Variants in RAD54L2 observed in about 807,000 individuals in gnomAD.
RAD54L2 encodes the protein RAD54 like 2, also known as helicase ARIP4.
A neutral mutation model predicts 138.4 loss-of-function variants in RAD54L2; 27 were observed. The observed-to-expected ratio is 0.20, with a 90% CI of 0.14 to 0.27. The LOEUF is 0.27. RAD54L2 is among the 10% of genes least tolerant of loss of function. The pLI, the probability that RAD54L2 is intolerant of heterozygous loss-of-function variation, is 1.00. For synonymous variants in RAD54L2, 644 were observed against 723.2 expected (o/e 0.89, Z 1.76); for missense variants, 1,396 against 1,890.2 (o/e 0.74, Z 4.85).
Position 51,639,470 on chromosome 3 carries a change from G to T in RAD54L2, c.1912G>T (p.Ala638Ser). 6.2e-7 allele frequency: 1 copy of T among 1,613,964 alleles called. No individual in the cohort carries two copies. Among genetic ancestry groups the T allele is most frequent in the African/African-American group, 1.3e-5 (1 of 75,034 alleles). ...LYEALQKESL[A>S]NEQDLDVEEL... is the part of the protein sequence containing the mutation. ...TGAAGCCCTTCAGAAGGAGAGCTTGGCCAATGAGCAGGACCTAGACGTGGA... is the reference window on the plus strand; with the variant it reads ...TGAAGCCCTTCAGAAGGAGAGCTTGTCCAATGAGCAGGACCTAGACGTGGA... The change falls in exon 13 of 23, where the codon GCC becomes TCC. Residue 638 changes from alanine to serine, a missense_variant. By Grantham distance (99) the Ala-to-Ser change is moderately conservative. Around this residue, in one of 7 missense-constraint regions of RAD54L2, gnomAD observed 211 missense variants for 273.8 expected, o/e 0.77. Transcript: ENST00000684192.
At chr3:51,552,648 T>G (rs1382382262) in intron 2 of RAD54L2, among the ~76,000 whole-genome samples, 1 of 146,440 alleles carries the variant, frequency 6.8e-6, no homozygotes, top group Non-Finnish European at 1.5e-5. Context: ...CATAGCTCAC[T>G]GCAACCTCTG....
chr3:51,608,662 C>CA (rs1334493992), intron 3 of RAD54L2, among the ~76,000 whole-genome samples: 14 of 152,268 alleles, frequency 9.2e-5, no homozygotes, highest in African/African-American at 3.4e-4. Flanking sequence ...CCGTCTCCAC[C>CA]AAAAAATACG....
intron 19 of RAD54L2, among the ~76,000 whole-genome samples, chr3:51,651,978 G>T (rs893701231): frequency 2.0e-5 from 3 of 152,190 alleles, no homozygotes; most frequent in African/African-American, 4.8e-5. Flanking sequence ...ATTCAATTAG[G>T]AAAAGAGGAA....
In RAD54L2 at chr3:51,638,169, C is replaced by G; in HGVS notation, c.1708C>G (p.His570Asp). 1 of 1,613,848 alleles carries G rather than the reference C, an allele frequency of 6.2e-7. No homozygotes were observed. The highest frequency in any genetic ancestry group is 8.5e-7 in the Non-Finnish European group (1 of 1,179,828). ...GAGAGGCCACACTGTGCTGAAGATT[C>G]ATCTCCCTGCCAAGGAAGAAAATGT... ...QRRGHTVLKI[H>D]LPAKEENVIL... The change falls in exon 12 of 23, where the codon CAT becomes GAT. Residue 570 changes from histidine (H) to aspartate (D), a missense_variant. This residue lies in a region of RAD54L2 where 211 missense variants were observed against 273.8 expected (regional missense o/e 0.77). Coordinates refer to ENST00000684192, the MANE Select transcript of RAD54L2 (RefSeq NM_015106.4). This position sits in a 1 kb window ranked among gnomAD's most constrained non-coding sequence, Gnocchi z 4.3.
rs998222780 is a variant in RAD54L2, at chr3:51,629,525, C to G, written c.481+52C>G. 2.5e-6 allele frequency: 4 copies of G among 1,594,848 alleles called. No homozygotes were observed. In the Admixed American group the frequency reaches 7.0e-5, roughly 28 times the overall value. ...CCCTTTGCTTCAGGAGGAAGAAGCC[C>G]TAGGTGCACACAGTGGTCAAAAGCA... On this transcript the variant is annotated intron_variant, in intron 5 of 22. Coordinates refer to ENST00000684192, the MANE Select transcript of RAD54L2 (RefSeq NM_015106.4).
At chr3:51,553,342 C>T (rs1208016571) in intron 2 of RAD54L2, among the ~76,000 whole-genome samples, 1 of 152,114 alleles carries the variant, frequency 6.6e-6, no homozygotes, top group Non-Finnish European at 1.5e-5. Flanking sequence ...TCCCAAAGTG[C>T]TGGGATTACA....
chr3:51,638,026 G>A lies in RAD54L2; in HGVS notation c.1683-118G>A. ...CTCTGCATTATTGCAAGGCTGCAGT[G>A]CATGTTGAGATCCTCAAGAGGGAGG... is the stretch of plus-strand genomic sequence containing the variant. On this transcript the variant is annotated intron_variant, in intron 11 of 22. Transcript: ENST00000684192. This position sits in a 1 kb window ranked among gnomAD's most constrained non-coding sequence, Gnocchi z 4.3. 1 of 915,468 alleles carries A rather than the reference G, an allele frequency of 1.1e-6. No homozygotes were observed. The highest frequency in any genetic ancestry group is 1.7e-5 in the African/African-American group (1 of 60,234). The allele number at this position is 915,468 out of a possible 1,614,324, so 56.7% of individuals were successfully genotyped here.
At chr3:51,594,858 C>T (rs1197543914) in intron 3 of RAD54L2, among the ~76,000 whole-genome samples, 3 of 92,680 alleles carry the variant, frequency 3.2e-5, no homozygotes, top group African/African-American at 1.2e-4. Context: ...AATTGATGGG[C>T]GCTTTTTTTT....
chr3:51,547,375 CAA>C (rs35028217), intron 2 of RAD54L2, among the ~76,000 whole-genome samples: 6 of 126,294 alleles, frequency 4.8e-5, no homozygotes, highest in Admixed American at 8.1e-5. Context: ...GACTCTGCCT[CAA>C]AAAAAAAAAA....
intron 2 of RAD54L2, among the ~76,000 whole-genome samples, chr3:51,587,453 G>A (rs2106702627): frequency 6.6e-6 from 1 of 152,232 alleles, no homozygotes; most frequent in East Asian, 1.9e-4. Context: ...TAAGTGAATG[G>A]TAGCTCAGCA....
chr3:51,641,517 A>G (rs111860912), intron 14 of RAD54L2, among the ~76,000 whole-genome samples: 3,256 of 151,474 alleles, frequency 0.021, 120 homozygotes, highest in African/African-American at 0.074. Flanking sequence ...GGGTTTTGCC[A>G]TGTTGGCTAG....
At position 51,630,671 on chromosome 3, in the gene RAD54L2, G is replaced by A. The variant is rs757610496; in HGVS notation, c.599-34G>A. The A allele has an allele frequency of 4.7e-5, 73 of 1,556,048 alleles. 2 individuals are homozygous for A. The South Asian group carries it at 8.1e-4, about 17-fold the overall frequency. On this transcript the variant is annotated intron_variant, in intron 6 of 22. Transcript: ENST00000684192. ...GTGCAGTAAATTATCTTCACTCCCT[G>A]GATTTTTGGTTTTGCTTTTTTTTGC...
intron 2 of RAD54L2, among the ~76,000 whole-genome samples, chr3:51,543,742 C>T (rs1698617055): frequency 6.6e-6 from 1 of 151,956 alleles, no homozygotes; most frequent in Non-Finnish European, 1.5e-5. Context: ...TCTAGTTTTT[C>T]CTCTGCCACA....
chr3:51,611,438 T>A (rs558695676), intron 3 of RAD54L2: 1 of 152,212 alleles, frequency 6.6e-6, no homozygotes, highest in Non-Finnish European at 1.5e-5. Context: ...CTTTTAGTTA[T>A]AAAAGCTGTG....
chr3:51,639,148 T>C, intron 12 of RAD54L2: 1 of 469,736 alleles, frequency 2.1e-6, no homozygotes, highest in South Asian at 2.9e-5. Flanking sequence ...TCAAAAAGGC[T>C]TGTGACAGCT....
rs1701595641 is a variant in RAD54L2 at position 51,656,166 on chromosome 3, G to A, written c.3222G>A (p.Thr1074=). 4 of 1,605,250 alleles carry A rather than the reference G, an allele frequency of 2.5e-6. No homozygotes were observed. The South Asian group carries it at 3.3e-5, about 13-fold the overall frequency. The part of the protein sequence containing the change: ...AGVLVQKVVT[T]TDIVIPGLNS... ...TCCTTGTGCAGAAGGTGGTCACCACGACAGGTGGGAACTCCTGGGCTCTGT... is the reference window on the plus strand; with the variant it reads ...TCCTTGTGCAGAAGGTGGTCACCACAACAGGTGGGAACTCCTGGGCTCTGT... The change falls in exon 20 of 23, where the codon ACG becomes ACA. Residue 1074 remains threonine (T), a synonymous_variant. Coordinates refer to ENST00000684192, the MANE Select transcript of RAD54L2 (RefSeq NM_015106.4).
At chr3:51,603,473 G>A (rs1253613349) in intron 3 of RAD54L2, among the ~76,000 whole-genome samples, 3 of 152,074 alleles carry the variant, frequency 2.0e-5, no homozygotes, top group East Asian at 3.8e-4. Flanking sequence ...TGAACATGGT[G>A]GTAGGTACCT....
At chr3:51,652,096 G>A (rs980014943) in intron 19 of RAD54L2, among the ~76,000 whole-genome samples, 1 of 152,116 alleles carries the variant, frequency 6.6e-6, no homozygotes, top group Admixed American at 6.6e-5. Flanking sequence ...AAGTCTCAGG[G>A]TACAATATCA....
chr3:51,589,683 TACACACAC>T (rs34544597), intron 2 of RAD54L2, among the ~76,000 whole-genome samples: 1 of 144,770 alleles, frequency 6.9e-6, no homozygotes, highest in South Asian at 2.2e-4. Context: ...TATATATATA[TACACACAC>T]ACACACACAC....
Sources: allele counts gnomAD v4.1 joint callset (sites outside exome capture counted in the v4.1 genomes callset), GRCh38; gene constraint gnomAD v4.1.1; regional missense constraint gnomAD v4.1.1; non-coding constraint Gnocchi (gnomAD v3.1); transcripts MANE v1.5; gene names NCBI Gene and HGNC (gene_info 2026-07-23, HGNC 2026-07-21).